The following RAD18 variants were observed in gnomAD, a reference collection of about 807,000 sequenced individuals.
RAD18 encodes E3 ubiquitin-protein ligase RAD18.
RAD18 carries 47 observed loss-of-function variants against 60.4 expected under a neutral mutation model. The ratio of observed to expected loss-of-function variants is 0.78; its 90% CI spans 0.62 to 0.99. RAD18 has a LOEUF of 0.99. Ranked by LOEUF, RAD18 falls within the 50% of genes least tolerant of loss-of-function variation. The pLI, the probability that RAD18 is intolerant of heterozygous loss-of-function variation, is 0.00. For synonymous variants in RAD18, 225 were observed against 195.5 expected (o/e 1.15, Z -1.26); for missense variants, 640 against 593.3 (o/e 1.08, Z -0.82).
intron 11 of RAD18, among the ~76,000 whole-genome samples, chr3:8,892,901 T>G (rs1369312286): frequency 6.6e-6 from 1 of 152,216 alleles, no homozygotes; most frequent in East Asian, 1.9e-4. Flanking sequence ...GCCAGTTACT[T>G]AACTTTCCTC....
In RAD18 at chr3:8,945,738, G is replaced by C. The variant is rs530732888; in HGVS notation, c.266+1482C>G. 1.1e-3 allele frequency among the ~76,000 whole-genome samples: 171 copies of C among 152,034 alleles called. 1 individual carries two copies. Among genetic ancestry groups the C allele is most frequent in the African/African-American group, 4.0e-3 (168 of 41,508 alleles). ...ACCCACCTCGGCCTCCGAAAGTGCT[G>C]GGATTACAGGCGTCAGCCACCAAGC... is the stretch of plus-strand genomic sequence containing the variant. On this transcript the variant is annotated intron_variant, in intron 4 of 12. Coordinates refer to ENST00000264926, the MANE Select transcript of RAD18 (RefSeq NM_020165.4).
intron 7 of RAD18, among the ~76,000 whole-genome samples, chr3:8,933,159 T>G (rs1940588854): frequency 1.3e-5 from 2 of 151,816 alleles, no homozygotes; most frequent in African/African-American, 4.8e-5. Flanking sequence ...AGCAACAACA[T>G]GGAAAAATCT....
At position 8,881,469 on chromosome 3, in the gene RAD18, G is replaced by A; in HGVS notation, c.1386-10C>T. 6.4e-7 allele frequency: 1 copy of A among 1,568,494 alleles called. No homozygotes were observed. Among genetic ancestry groups the A allele is most frequent in the Non-Finnish European group, 8.8e-7 (1 of 1,140,680 alleles). ...GTCTTGAAGATCGTTTCTGAAGACA[G>A]AAAAAGGAAATGACATCTTGGAAAG... On this transcript the variant is annotated splice_polypyrimidine_tract_variant and intron_variant, in intron 12 of 12. Transcript: ENST00000264926.
At chr3:8,922,163 G>A (rs978415448) in intron 7 of RAD18, among the ~76,000 whole-genome samples, 7 of 152,216 alleles carry the variant, frequency 4.6e-5, no homozygotes, top group South Asian at 2.1e-4. Context: ...GGAAGCACAA[G>A]GGGTCAGGGA....
intron 12 of RAD18, chr3:8,890,128 T>C (rs1939659296): frequency 2.1e-6 from 1 of 469,564 alleles, no homozygotes. Flanking sequence ...AAGTGATGCA[T>C]GACTGTATTA....
intron 9 of RAD18, among the ~76,000 whole-genome samples, chr3:8,904,046 C>A (rs916287876): frequency 5.9e-5 from 9 of 152,122 alleles, no homozygotes; most frequent in African/African-American, 2.2e-4. Flanking sequence ...GAAAATAATT[C>A]TTGTCTATAG....
chr3:8,950,048 C>A (rs541385440), intron 2 of RAD18, among the ~76,000 whole-genome samples: 1 of 152,088 alleles, frequency 6.6e-6, no homozygotes, highest in South Asian at 2.1e-4. Flanking sequence ...TTTTCCCCTT[C>A]AAGATGGAGT....
At chr3:8,900,820 T>A (rs1206399215) in intron 10 of RAD18, among the ~76,000 whole-genome samples, 1 of 152,180 alleles carries the variant, frequency 6.6e-6, no homozygotes, top group African/African-American at 2.4e-5. Flanking sequence ...AGACATCTCA[T>A]TCATGCACAG....
At chr3:8,898,340 A>C (rs534698426) in intron 11 of RAD18, among the ~76,000 whole-genome samples, 1 of 151,838 alleles carries the variant, frequency 6.6e-6, no homozygotes, top group Non-Finnish European at 1.5e-5. Flanking sequence ...CATAACATTA[A>C]GTGAAAGACC....
intron 4 of RAD18, 70 bp downstream of exon 4, chr3:8,947,150 C>A: frequency 8.4e-7 from 1 of 1,196,062 alleles, no homozygotes; most frequent in Non-Finnish European, 1.2e-6. Flanking sequence ...TCCAAAGGTG[C>A]ACAAAGTAAA....
chr3:8,949,358 T>C (rs138549021), intron 2 of RAD18, among the ~76,000 whole-genome samples: 193 of 152,294 alleles, frequency 1.3e-3, no homozygotes, highest in African/African-American at 4.5e-3. Context: ...ATTCGTTTAG[T>C]TGAGGAGGAG....
chr3:8,894,822 G>A (rs1253414683), intron 11 of RAD18, among the ~76,000 whole-genome samples: 6 of 147,574 alleles, frequency 4.1e-5, no homozygotes, highest in African/African-American at 1.0e-4. Context: ...GTGCAGTGGC[G>A]CGATATCGGC....
At chr3:8,946,317 G>C (rs2124835576) in intron 4 of RAD18, among the ~76,000 whole-genome samples, 1 of 152,352 alleles carries the variant, frequency 6.6e-6, no homozygotes, top group South Asian at 2.1e-4. Context: ...CTGCCATATA[G>C]AATAGGAGTG....
rs933141967 is a variant in RAD18, at chr3:8,877,581, T to C, written c.*3776A>G. ...TCAAGCTTTCTATGGCAAGAGTTTA[T>C]AGGCAAAAACAAAATCCGTCCATTG... On this transcript the variant is annotated 3_prime_UTR_variant, in exon 13 of 13. Transcript: ENST00000264926. 1 of 152,222 alleles carries C rather than the reference T, an allele frequency of 6.6e-6. No homozygotes were observed. The highest frequency in any genetic ancestry group is 2.4e-5 in the African/African-American group (1 of 41,456). The allele number at this position is 152,222 out of a possible 1,614,324, so 9.4% of individuals were successfully genotyped here.
chr3:8,926,443 T>C (rs1212827795), intron 7 of RAD18, among the ~76,000 whole-genome samples: 4 of 152,332 alleles, frequency 2.6e-5, no homozygotes, highest in Admixed American at 2.0e-4. Flanking sequence ...TCCATGCTTA[T>C]GGGTAGGAAG....
At chr3:8,930,521 T>C (rs993565351) in intron 7 of RAD18, among the ~76,000 whole-genome samples, 1 of 152,174 alleles carries the variant, frequency 6.6e-6, no homozygotes, top group Admixed American at 6.5e-5. Flanking sequence ...CACTGAACTG[T>C]ATGTACACTT....
chr3:8,909,285 G>A (rs45492091), intron 9 of RAD18, among the ~76,000 whole-genome samples: 10,590 of 152,202 alleles, frequency 0.07, 494 homozygotes, highest in South Asian at 0.14. Context: ...AAGAGAAATC[G>A]AAAGCCCACT....
Position 8,877,167 on chromosome 3 carries a change from C to A in RAD18, c.*4190G>T, listed in dbSNP as rs1043106079. On this transcript the variant is annotated 3_prime_UTR_variant, in exon 13 of 13. Transcript: ENST00000264926. The stretch of plus-strand genomic sequence containing the variant: ...AGTTTCTGGGTGTCCATTTGTGCTG[C>A]CAGAAGAAAATACCACAGTCTGGGT... 5 of 152,168 alleles carry A rather than the reference C, an allele frequency of 3.3e-5. No homozygotes were observed. The highest frequency in any genetic ancestry group is 1.2e-4 in the African/African-American group (5 of 41,416). The allele number at this position is 152,168 out of a possible 1,614,324, so 9.4% of individuals were successfully genotyped here.
At chr3:8,921,530 C>A (rs1380383025) in intron 7 of RAD18, among the ~76,000 whole-genome samples, 4 of 152,088 alleles carry the variant, frequency 2.6e-5, no homozygotes, top group African/African-American at 7.2e-5. Flanking sequence ...CGCTTGTAGT[C>A]CTAGCTACCT....
Sources: gnomAD v4.1 joint callset for allele counts (sites outside exome capture counted in the v4.1 genomes callset) on GRCh38, gnomAD v4.1.1 for gene constraint, MANE v1.5 for transcripts, NCBI Gene and HGNC (gene_info 2026-07-23, HGNC 2026-07-21) for gene names.